The following TUBA1C variants were observed in gnomAD, a reference collection of about 807,000 sequenced individuals.
TUBA1C encodes tubulin alpha 1c.
In TUBA1C, 16 loss-of-function variants were observed where a neutral mutation model predicts 34.9. That is an observed-to-expected ratio of 0.46 (90% confidence interval 0.31 to 0.70). TUBA1C has a LOEUF of 0.70. Ranked by LOEUF, TUBA1C falls within the 30% of genes least tolerant of loss-of-function variation. TUBA1C has a pLI of 0.05. For synonymous variants in TUBA1C, 177 were observed against 215.9 expected, an observed-to-expected ratio of 0.82 and a Z score of 1.58; for missense variants, 329 against 587.3, an observed-to-expected ratio of 0.56 and a Z score of 4.55.
intron 1 of TUBA1C, among the ~76,000 whole-genome samples, chr12:49,248,113 A>T (rs189301780): frequency 2.1e-3 from 322 of 151,284 alleles, no homozygotes; most frequent in Middle Eastern, 0.014. Context: ...CATCTCTACT[A>T]AAGTACAAAA....
intron 1 of TUBA1C, among the ~76,000 whole-genome samples, chr12:49,241,145 G>A (rs1367805643): frequency 1.3e-5 from 2 of 151,994 alleles, no homozygotes; most frequent in East Asian, 1.9e-4. Context: ...CAGGTGAACC[G>A]CCCGCCTCGG....
chr12:49,254,484 C>CAAA lies in TUBA1C; in HGVS notation c.214-14959_214-14957dup, dbSNP rs764051406. ...GCAACAGAGCGAGGCTCCATCTAAA[C>CAAA]AAAAAAAAAAAAAAAAAAAAAAAAC... is the stretch of plus-strand genomic sequence containing the variant. On this transcript the variant is annotated intron_variant, in intron 1 of 3. Coordinates refer to the TUBA1C transcript ENST00000541364. 1.6e-3 allele frequency among the ~76,000 whole-genome samples: 48 copies of CAAA among 29,704 alleles called. 1 individual carries two copies. Among genetic ancestry groups the CAAA allele is most frequent in the African/African-American group, 3.1e-3 (30 of 9,620 alleles). The allele number at this position is 29,704 out of a possible 152,430, so 19.5% of individuals were successfully genotyped here.
intron 1 of TUBA1C, among the ~76,000 whole-genome samples, chr12:49,250,059 G>A (rs996461938): frequency 1.3e-5 from 2 of 151,794 alleles, no homozygotes; most frequent in African/African-American, 2.4e-5. Context: ...TTAGCCAGGT[G>A]TGGTGGCGGG....
At chr12:49,269,776 T>G (rs1353844874) in intron 2 of TUBA1C, 52 bp from the exon 3 acceptor site, 2 of 1,613,444 alleles carry the variant, frequency 1.2e-6, no homozygotes, top group Non-Finnish European at 1.7e-6. Context: ...ACTCACCCAC[T>G]CTCCCTCCCC....
intron 1 of TUBA1C, among the ~76,000 whole-genome samples, chr12:49,253,934 T>C (rs1336791943): frequency 6.6e-6 from 1 of 152,078 alleles, no homozygotes; most frequent in Non-Finnish European, 1.5e-5. Context: ...TGAGCAGGAA[T>C]ACAGAACTGG....
chr12:49,230,782 A>G (rs940526654), intron 1 of TUBA1C, among the ~76,000 whole-genome samples: 1 of 152,232 alleles, frequency 6.6e-6, no homozygotes, highest in Non-Finnish European at 1.5e-5. Context: ...GGAGGTCATC[A>G]TGAGATGTTC....
chr12:49,266,718 G>C (rs538678419), intron 1 of TUBA1C, among the ~76,000 whole-genome samples: 2 of 151,780 alleles, frequency 1.3e-5, no homozygotes, highest in African/African-American at 4.8e-5. Flanking sequence ...GCGTCGTGGT[G>C]CGTGCCTGTA....
At position 49,269,447 on chromosome 12, in the gene TUBA1C, C is replaced by T. The variant is rs770700571; in HGVS notation, c.4-18C>T. 1.2e-6 allele frequency: 2 copies of T among 1,613,902 alleles called. No individual in the cohort carries two copies. Among genetic ancestry groups the T allele is most frequent in the Non-Finnish European group, 1.7e-6 (2 of 1,180,034 alleles). Reference sequence around the variant, plus strand: ...CTGATGTATTATACCCTGACATTTTCCTTTCTTCCTCCCACAGCGTGAGTG... The same window carrying T: ...CTGATGTATTATACCCTGACATTTTTCTTTCTTCCTCCCACAGCGTGAGTG... On this transcript the variant is annotated intron_variant, in intron 1 of 3. Transcript: ENST00000301072.
intron 1 of TUBA1C, among the ~76,000 whole-genome samples, chr12:49,267,286 T>C (rs1293299536): frequency 6.6e-6 from 1 of 152,242 alleles, no homozygotes; most frequent in Non-Finnish European, 1.5e-5. Flanking sequence ...TTTATCTCCT[T>C]GGGCCTGGGG....
chr12:49,244,162 A>G (rs1055957092), intron 1 of TUBA1C, among the ~76,000 whole-genome samples: 5 of 151,896 alleles, frequency 3.3e-5, no homozygotes, highest in East Asian at 1.9e-4. Context: ...AAAAAAAAAA[A>G]AAAGAAAAAA....
chr12:49,255,241 T>G (rs1942771428), intron 1 of TUBA1C, among the ~76,000 whole-genome samples: 1 of 151,972 alleles, frequency 6.6e-6, no homozygotes, highest in Admixed American at 6.6e-5. Context: ...TTACAGTGAA[T>G]AGTCTAATTC....
At position 49,273,463 on chromosome 12, in the gene TUBA1C, C is replaced by A; in HGVS notation, c.*236C>A. The A allele has an allele frequency of 1.6e-6, 1 of 640,172 alleles. No individual in the cohort carries two copies. Among genetic ancestry groups the A allele is most frequent in the Non-Finnish European group, 2.6e-6 (1 of 383,636 alleles). The allele number at this position is 640,172 out of a possible 1,614,324, so 39.7% of individuals were successfully genotyped here. Reference sequence around the variant, plus strand: ...TGCAGTGGCATGATAATACATAGCTCATTGCAGCCTCGAGCTCCTGGACTC... The same window carrying A: ...TGCAGTGGCATGATAATACATAGCTAATTGCAGCCTCGAGCTCCTGGACTC... On this transcript the variant is annotated 3_prime_UTR_variant, in exon 4 of 4. Coordinates refer to ENST00000301072, the MANE Select transcript of TUBA1C (RefSeq NM_032704.5).
Position 49,274,594 on chromosome 12 carries a change from C to T in TUBA1C, c.*1367C>T, listed in dbSNP as rs1943036797. Reference sequence around the variant, plus strand: ...TGTCAGTCTTTAATAAAGTATTAGTCACACGAGAAGGGCTTGGAATCCTGA... The same window carrying T: ...TGTCAGTCTTTAATAAAGTATTAGTTACACGAGAAGGGCTTGGAATCCTGA... On this transcript the variant is annotated 3_prime_UTR_variant, in exon 4 of 4. Transcript: ENST00000301072. 6.6e-6 allele frequency: 1 copy of T among 152,056 alleles called. No homozygotes were observed. The highest frequency in any genetic ancestry group is 1.5e-5 in the Non-Finnish European group (1 of 68,034). The allele number at this position is 152,056 out of a possible 1,614,324, so 9.4% of individuals were successfully genotyped here.
intron 1 of TUBA1C, among the ~76,000 whole-genome samples, chr12:49,248,493 G>A (rs1942697573): frequency 6.6e-6 from 1 of 151,554 alleles, no homozygotes; most frequent in African/African-American, 2.4e-5. Flanking sequence ...ACTTGAACCT[G>A]GGAGGCGGAG....
chr12:49,244,084 A>G (rs972610578), intron 1 of TUBA1C, among the ~76,000 whole-genome samples: 1 of 147,582 alleles, frequency 6.8e-6, no homozygotes, highest in Non-Finnish European at 1.5e-5. Flanking sequence ...CAGGAGGTGG[A>G]GGTTGCAGTG....
Position 49,245,217 on chromosome 12 carries a change from AT to A in TUBA1C, c.213+17053del, listed in dbSNP as rs529888184. Among the ~76,000 whole-genome samples the A allele has an allele frequency of 4.6e-5, 7 of 152,160 alleles. No individual in the cohort carries two copies. The South Asian group carries it at 1.4e-3, about 31-fold the overall frequency. ...TATGGCAGTGTGAAGAGGTGGGCAA[AT>A]TCTTTCCCTAAAAAAAATTACAAAG... is the stretch of plus-strand genomic sequence containing the variant. On this transcript the variant is annotated intron_variant, in intron 1 of 3. Transcript: ENST00000541364.
intron 1 of TUBA1C, among the ~76,000 whole-genome samples, chr12:49,251,761 G>A (rs1198399515): frequency 6.7e-6 from 1 of 149,394 alleles, no homozygotes; most frequent in African/African-American, 2.5e-5. Context: ...GCGACAGAGC[G>A]AGACTCGGTA....
At chr12:49,260,400 G>A (rs1592283024), upstream of TUBA1C, among the ~76,000 whole-genome samples, 1 of 152,264 alleles carries the variant, frequency 6.6e-6, no homozygotes, top group African/African-American at 2.4e-5. Context: ...AATCTCAGTG[G>A]AAAGAAAATG....
chr12:49,265,209 G>A (rs765251914), intron 1 of TUBA1C, 25 bp downstream of exon 1: 2 of 1,588,986 alleles, frequency 1.3e-6, no homozygotes, highest in Admixed American at 3.4e-5. Context: ...CTCGGGGCTG[G>A]GGAAGAGTGC....
Sources: allele counts gnomAD v4.1 joint callset (sites outside exome capture counted in the v4.1 genomes callset), GRCh38; gene constraint gnomAD v4.1.1; transcripts MANE v1.5; gene names NCBI Gene and HGNC (gene_info 2026-07-23, HGNC 2026-07-21).